Variants in B3GLCT observed in about 807,000 individuals in gnomAD.
B3GLCT encodes the protein beta-1,3-glucosyltransferase.
Under a neutral mutation model 63.4 loss-of-function variants are expected in B3GLCT, and 65 were observed. That is an observed-to-expected ratio of 1.03 (90% confidence interval 0.84 to 1.26). The LOEUF (loss-of-function observed/expected upper bound fraction) is 1.26, where lower values mean the gene tolerates loss of function less well. Ranked by LOEUF, B3GLCT falls within the 50% of genes most tolerant of loss-of-function variation. B3GLCT has a pLI of 0.00. For synonymous variants in B3GLCT, 233 were observed against 219.2 expected, an observed-to-expected ratio of 1.06 and a Z score of -0.55; for missense variants, 577 against 604.8, an observed-to-expected ratio of 0.95 and a Z score of 0.48.
At chr13:31,329,406 G>A (rs1412560228) in intron 14 of B3GLCT, 95 bp from the exon 15 acceptor site, 3 of 1,366,758 alleles carry the variant, frequency 2.2e-6, no homozygotes, top group Non-Finnish European at 3.1e-6. Context: ...GTTAGGTAGT[G>A]AAGTAAAGCA....
At chr13:31,250,422 C>T (rs1871374830) in intron 6 of B3GLCT, among the ~76,000 whole-genome samples, 1 of 152,244 alleles carries the variant, frequency 6.6e-6, no homozygotes, top group African/African-American at 2.4e-5. Context: ...GATCTGCCTG[C>T]CTCGGCCTCC....
intron 6 of B3GLCT, among the ~76,000 whole-genome samples, chr13:31,251,906 A>G (rs1265596384): frequency 6.6e-6 from 1 of 152,162 alleles, no homozygotes; most frequent in African/African-American, 2.4e-5. Flanking sequence ...ACCCCAAGAC[A>G]CATAGTCGTC....
chr13:31,215,338 C>A (rs189262144), intron 2 of B3GLCT, among the ~76,000 whole-genome samples: 2 of 152,110 alleles, frequency 1.3e-5, no homozygotes, highest in East Asian at 3.8e-4. Context: ...TGAGAAAAAA[C>A]GTGTTTTGAC....
intron 3 of B3GLCT, among the ~76,000 whole-genome samples, chr13:31,227,329 T>TA (rs201525675): frequency 1.6e-4 from 24 of 150,890 alleles, no homozygotes; most frequent in South Asian, 8.4e-4. Context: ...TTTATTAAAT[T>TA]AAAAAAAAAA....
intron 2 of B3GLCT, among the ~76,000 whole-genome samples, chr13:31,220,537 C>G (rs765860345): frequency 5.3e-5 from 8 of 152,156 alleles, no homozygotes; most frequent in Non-Finnish European, 1.0e-4. Context: ...TTAGGAAGAA[C>G]TAAGTCTTTT....
At chr13:31,242,545 C>T (rs1398000354) in intron 4 of B3GLCT, among the ~76,000 whole-genome samples, 2 of 152,210 alleles carry the variant, frequency 1.3e-5, no homozygotes, top group African/African-American at 4.8e-5. Context: ...GTTGTCATCT[C>T]ACATGAGAGA....
Position 31,253,379 on chromosome 13 carries a change from C to T in B3GLCT, c.459+5413C>T, listed in dbSNP as rs144668312. Reference sequence around the variant, plus strand: ...GGCCAAGGTGGGTGGATCACGAGGTCGGGAGATTGAGACCATCCTGGCTAG... The same window carrying T: ...GGCCAAGGTGGGTGGATCACGAGGTTGGGAGATTGAGACCATCCTGGCTAG... On this transcript the variant is annotated intron_variant, in intron 6 of 14. Coordinates refer to ENST00000343307, the MANE Select transcript of B3GLCT (RefSeq NM_194318.4). 3.3e-3 allele frequency among the ~76,000 whole-genome samples: 506 copies of T among 151,888 alleles called. 9 individuals are homozygous for T. Among genetic ancestry groups the T allele is most frequent in the African/African-American group, 0.011 (474 of 41,412 alleles).
intron 2 of B3GLCT, among the ~76,000 whole-genome samples, chr13:31,219,816 C>A (rs1259594191): frequency 1.3e-5 from 2 of 152,168 alleles, no homozygotes; most frequent in Non-Finnish European, 2.9e-5. Context: ...CTGAACAAAT[C>A]AAAGTAAAGA....
At chr13:31,279,580 A>G in intron 10 of B3GLCT, among the ~76,000 whole-genome samples, 1 of 152,166 alleles carries the variant, frequency 6.6e-6, no homozygotes, top group Non-Finnish European at 1.5e-5. Context: ...CTTGCTTCAC[A>G]AGGTAATAAA....
intron 12 of B3GLCT, among the ~76,000 whole-genome samples, chr13:31,300,138 A>G (rs1874150099): frequency 6.6e-6 from 1 of 152,184 alleles, no homozygotes; most frequent in South Asian, 2.1e-4. Flanking sequence ...TGGTCAGTCA[A>G]GAGCTGCTTA....
chr13:31,229,923 T>A (rs1480729521), intron 4 of B3GLCT, among the ~76,000 whole-genome samples: 1 of 151,612 alleles, frequency 6.6e-6, no homozygotes, highest in Non-Finnish European at 1.5e-5. Context: ...TAAAAGCAAG[T>A]AGAAGAAATA....
In B3GLCT at chr13:31,269,219, C is replaced by A; in HGVS notation, c.602C>A (p.Thr201Asn). Residue 201 changes from threonine (T) to asparagine (N), a missense_variant, in exon 8 of 15, where the codon ACC (threonine) becomes AAC (asparagine). Thr to Asn is a moderately conservative substitution (Grantham distance 65). Coordinates refer to ENST00000343307, the MANE Select transcript of B3GLCT (RefSeq NM_194318.4). The part of the protein sequence containing the change: ...ALSIPLVNKL[T>N]KRLKSESLKS... ...AAATTGTCTCTATTTTCTAGGCTTA[C>A]CAAGAGACTAAAGAGTGAATCCTTG... is the stretch of plus-strand genomic sequence containing the variant. 6.2e-7 allele frequency: 1 copy of A among 1,607,108 alleles called. No homozygotes were observed. Among genetic ancestry groups the A allele is most frequent in the Non-Finnish European group, 8.5e-7 (1 of 1,173,990 alleles).
At chr13:31,215,349 A>G (rs778790163) in intron 2 of B3GLCT, among the ~76,000 whole-genome samples, 1 of 152,234 alleles carries the variant, frequency 6.6e-6, no homozygotes, top group Non-Finnish European at 1.5e-5. Flanking sequence ...GTGTTTTGAC[A>G]TAGAGTTGGA....
chr13:31,272,037 G>A (rs753378725), intron 8 of B3GLCT, among the ~76,000 whole-genome samples: 8 of 151,858 alleles, frequency 5.3e-5, no homozygotes, highest in African/African-American at 1.9e-4. Context: ...ATCCTTTTGT[G>A]TCCTTATCTT....
intron 2 of B3GLCT, among the ~76,000 whole-genome samples, chr13:31,218,572 T>G (rs1048668862): frequency 6.6e-6 from 1 of 152,226 alleles, no homozygotes; most frequent in Admixed American, 6.5e-5. Context: ...TGCACATTGA[T>G]TTTGTATCCT....
At position 31,308,347 on chromosome 13, in the gene B3GLCT, T is replaced by TAAAA. The variant is rs1169835730; in HGVS notation, c.1065-9209_1065-9206dup. ...TAGAGTATAATAAAAAAAAAAAAAT[T>TAAAA]AAAAAAAAAAAAACAAAAAAAAAAG... On this transcript the variant is annotated intron_variant, in intron 12 of 14. Coordinates refer to ENST00000343307, the MANE Select transcript of B3GLCT (RefSeq NM_194318.4). 8.6e-3 allele frequency among the ~76,000 whole-genome samples: 202 copies of TAAAA among 23,574 alleles called. 1 individual carries two copies. Among genetic ancestry groups the TAAAA allele is most frequent in the Middle Eastern group, 0.038 (1 of 26 alleles). The allele number at this position is 23,574 out of a possible 152,430, so 15.5% of individuals were successfully genotyped here.
At chr13:31,278,058 C>CT (rs1276849804) in intron 10 of B3GLCT, among the ~76,000 whole-genome samples, 1 of 151,968 alleles carries the variant, frequency 6.6e-6, no homozygotes, top group Non-Finnish European at 1.5e-5. Flanking sequence ...AACTATACCG[C>CT]TTTTTGTTTT....
Position 31,329,630 on chromosome 13 carries a change from A to G in B3GLCT, c.1459A>G (p.Arg487Gly). The G allele has an allele frequency of 6.2e-7, 1 of 1,614,242 alleles. No homozygotes were observed. Among genetic ancestry groups the G allele is most frequent in the Non-Finnish European group, 8.5e-7 (1 of 1,180,048 alleles). Residue 487 changes from arginine (R) to glycine (G), a missense_variant, in exon 15 of 15, where the codon AGG (arginine) becomes GGG (glycine). Arg to Gly is a moderately radical substitution (Grantham distance 125). Coordinates refer to ENST00000343307, the MANE Select transcript of B3GLCT (RefSeq NM_194318.4). ...WLAPSDEDKA[R>G]QETQKGFREE... ...GGCACCCAGTGACGAAGACAAAGCCAGGCAGGAGACACAGAAAGGTTTTCG... is the reference window on the plus strand; with the variant it reads ...GGCACCCAGTGACGAAGACAAAGCCGGGCAGGAGACACAGAAAGGTTTTCG...
chr13:31,323,660 G>A (rs757243730), intron 13 of B3GLCT, 91 bp from the exon 14 acceptor site: 1 of 1,444,542 alleles, frequency 6.9e-7, no homozygotes, highest in East Asian at 2.3e-5. Flanking sequence ...TCAGTCTGCA[G>A]GAGTAAAGTC....
Sources: allele counts gnomAD v4.1 joint callset (sites outside exome capture counted in the v4.1 genomes callset), GRCh38; gene constraint gnomAD v4.1.1; transcripts MANE v1.5; gene names NCBI Gene and HGNC (gene_info 2026-07-23, HGNC 2026-07-21).